ACSL5: variants seen among roughly 807,000 people sequenced by gnomAD.
The protein encoded by ACSL5 is acyl-CoA synthetase long chain family member 5.
In ACSL5, 50 loss-of-function variants were observed where a neutral mutation model predicts 84.9. The ratio of observed to expected loss-of-function variants is 0.59; its 90% CI spans 0.47 to 0.75. ACSL5 has a LOEUF of 0.75. ACSL5 is among the 30% of genes least tolerant of loss of function. ACSL5 has a pLI of 0.00. For missense variants in ACSL5, 775 were observed against 830.4 expected (o/e 0.93, Z 0.82); for synonymous variants, 280 against 300.7 (o/e 0.93, Z 0.71).
At chr10:112,403,165 A>T (rs775916511) in intron 3 of ACSL5, among the ~76,000 whole-genome samples, 16 of 152,280 alleles carry the variant, frequency 1.1e-4, no homozygotes, top group Non-Finnish European at 2.2e-4. Flanking sequence ...GGCAAAGTAC[A>T]TGAACAAACA....
intron 10 of ACSL5, 128 bp from the exon 11 acceptor site, chr10:112,411,774 C>A (rs1844185119): frequency 3.3e-6 from 3 of 922,840 alleles, no homozygotes; most frequent in East Asian, 5.0e-5. Flanking sequence ...CATCTCAGAT[C>A]TACACAGTGT....
intron 2 of ACSL5, chr10:112,396,066 C>T (rs759292155): frequency 3.9e-5 from 6 of 152,232 alleles, no homozygotes; most frequent in Non-Finnish European, 8.8e-5. Flanking sequence ...TGAGATCTGA[C>T]CTTTTACCAC....
chr10:112,414,352 C>CTTTTTTTTT (rs34464188), intron 12 of ACSL5, among the ~76,000 whole-genome samples: 2 of 85,502 alleles, frequency 2.3e-5, no homozygotes, highest in African/African-American at 4.6e-5. Flanking sequence ...TTCAGTGATT[C>CTTTTTTTTT]TTTTTTTTTT....
chr10:112,412,009 G>A, intron 11 of ACSL5, 30 bp downstream of exon 11: 1 of 1,572,674 alleles, frequency 6.4e-7, no homozygotes, highest in Non-Finnish European at 8.8e-7. Flanking sequence ...AGCAGTATGT[G>A]GCAAGGGGGT....
rs561246236 is a variant in ACSL5, at chr10:112,427,326, A to G, written c.2020A>G (p.Ile674Val). 1.9e-6 allele frequency: 3 copies of G among 1,613,756 alleles called. No individual in the cohort carries two copies. The highest frequency in any genetic ancestry group is 2.2e-5 in the South Asian group (2 of 90,994). The change falls in exon 21 of 21, where the codon ATT becomes GTT. Residue 674 changes from isoleucine to valine, a missense_variant. Physicochemically the swap from Ile to Val is conservative, Grantham distance 29 (BLOSUM62 3). Coordinates refer to ENST00000354655, the MANE Select transcript of ACSL5 (RefSeq NM_203379.2). ...GCTTTCCAAATACTTTCGGACCCAA[A>G]TTGACAGCCTGTATGAGCACATCCA... ...GELSKYFRTQ[I>V]DSLYEHIQD is the part of the protein sequence containing the mutation.
Position 112,399,011 on chromosome 10 carries a change from T to C in ACSL5, c.265+2T>C. ...TCCAAAGAGGACTCGCTGTGTCTGG[T>C]AAGCCTGGTGGTCTGTCCTTGCCTG... On this transcript the variant is annotated splice_donor_variant, in intron 3 of 20. Coordinates refer to ENST00000354655, the MANE Select transcript of ACSL5 (RefSeq NM_203379.2). LOFTEE classifies it high-confidence loss of function. The C allele has an allele frequency of 6.2e-7, 1 of 1,612,242 alleles. No individual in the cohort carries two copies. Among genetic ancestry groups the C allele is most frequent in the East Asian group, 2.2e-5 (1 of 44,868 alleles).
At chr10:112,375,086 G>A (rs1379474945) in intron 1 of ACSL5, 3 of 151,968 alleles carry the variant, frequency 2.0e-5, no homozygotes, top group Non-Finnish European at 4.4e-5. Context: ...ATCTTCCCCT[G>A]GCCCTGAGCC....
At position 112,426,335 on chromosome 10, in the gene ACSL5, C is replaced by T. The variant is rs201398022; in HGVS notation, c.1815C>T (p.Ser605=). 7 of 1,614,020 alleles carry T rather than the reference C, an allele frequency of 4.3e-6. No homozygotes were observed. Among genetic ancestry groups the T allele is most frequent in the Non-Finnish European group, 5.9e-6 (7 of 1,179,998 alleles). ...CAGCCAAGCTTGGGGTGAAGGGCTC[C>T]TTTGAGGAACTGTGCCAAAACCAAG... The part of the protein sequence containing the change: ...SFAAKLGVKG[S]FEELCQNQVV... The change falls in exon 19 of 21, where the codon TCC becomes TCT. Residue 605 remains serine, a synonymous_variant. Coordinates refer to ENST00000354655, the MANE Select transcript of ACSL5 (RefSeq NM_203379.2).
chr10:112,401,828 C>CTT (rs1395689106), intron 3 of ACSL5, among the ~76,000 whole-genome samples: 34 of 108,738 alleles, frequency 3.1e-4, no homozygotes, highest in Non-Finnish European at 5.6e-4. Flanking sequence ...TTCTTTCTTT[C>CTT]TTTCTTTCTT....
At chr10:112,400,406 C>CT (rs573644087) in intron 3 of ACSL5, among the ~76,000 whole-genome samples, 28,708 of 98,704 alleles carry the variant, frequency 0.29, 4,818 homozygotes, top group East Asian at 0.49. Context: ...TTTTTCTTTT[C>CT]TTTTTTTTTT....
intron 3 of ACSL5, among the ~76,000 whole-genome samples, chr10:112,401,945 C>A (rs923607212): frequency 4.6e-5 from 5 of 108,146 alleles, no homozygotes; most frequent in Middle Eastern, 0.01. Flanking sequence ...CCTTCTCTTT[C>A]TTTCTCTCTC....
chr10:112,421,818 A>G lies in ACSL5; in HGVS notation c.1388-129A>G, dbSNP rs867441286. The G allele has an allele frequency of 3.1e-6, 4 of 1,279,010 alleles. No individual in the cohort carries two copies. The Middle Eastern group carries it at 5.6e-4, about 179-fold the overall frequency. 79.2% of individuals were successfully genotyped at this position (1,279,010 alleles called of 1,614,324 possible). A position where few individuals can be genotyped will look rare whatever the true frequency, so the allele number is the denominator to read the frequency against. ...GGGTCCAGGCCTGCCTATCTTGGCT[A>G]GTCTGCATTGGTGCCAGGTGATTTT... On this transcript the variant is annotated intron_variant, in intron 15 of 20. Coordinates refer to ENST00000354655, the MANE Select transcript of ACSL5 (RefSeq NM_203379.2).
At chr10:112,389,784 C>T (rs1223801544) in intron 1 of ACSL5, among the ~76,000 whole-genome samples, 1 of 152,200 alleles carries the variant, frequency 6.6e-6, no homozygotes, top group Non-Finnish European at 1.5e-5. Flanking sequence ...GAGCTTCCTA[C>T]TCCTGTCGTG....
intron 1 of ACSL5, among the ~76,000 whole-genome samples, chr10:112,379,414 G>A (rs7906780): frequency 3.0e-3 from 428 of 141,550 alleles, no homozygotes; most frequent in Middle Eastern, 3.6e-3. Flanking sequence ...TCAAAAAAAA[G>A]AAAAAAAAAA....
In ACSL5 at chr10:112,394,892, T is replaced by C. The variant is rs369604598; in HGVS notation, c.-29-26T>C. ...AAAAATATGGCCATTTCCTCTAAATTTTCTTTCCCCTGTTTTTTTTTTAAG... is the reference window on the plus strand; with the variant it reads ...AAAAATATGGCCATTTCCTCTAAATCTTCTTTCCCCTGTTTTTTTTTTAAG... On this transcript the variant is annotated intron_variant, in intron 1 of 20. Coordinates refer to ENST00000354655, the MANE Select transcript of ACSL5 (RefSeq NM_203379.2). The C allele has an allele frequency of 1.1e-5, 18 of 1,607,830 alleles. No individual in the cohort carries two copies. The African/African-American group carries it at 2.1e-4, about 19-fold the overall frequency.
chr10:112,393,175 C>A (rs1041502730), intron 1 of ACSL5, among the ~76,000 whole-genome samples: 1 of 152,066 alleles, frequency 6.6e-6, no homozygotes, highest in Non-Finnish European at 1.5e-5. Context: ...TCCAAAAATC[C>A]CAACTCTCAG....
chr10:112,390,985 T>C (rs1849549200), intron 1 of ACSL5, among the ~76,000 whole-genome samples: 2 of 152,254 alleles, frequency 1.3e-5, no homozygotes, highest in East Asian at 3.8e-4. Flanking sequence ...TAAATAGATG[T>C]AATGGTTGCA....
chr10:112,398,444 G>T (rs1843795682), intron 2 of ACSL5, among the ~76,000 whole-genome samples: 1 of 149,798 alleles, frequency 6.7e-6, no homozygotes, highest in South Asian at 2.1e-4. Flanking sequence ...TCACTCCGTT[G>T]CCCAGGCTGG....
intron 13 of ACSL5, 31 bp downstream of exon 13, chr10:112,417,053 G>A (rs762439333): frequency 1.2e-5 from 20 of 1,603,194 alleles, no homozygotes; most frequent in African/African-American, 9.4e-5. Flanking sequence ...ACTGAAGCAG[G>A]CAAATACCTG....
Sources: allele counts gnomAD v4.1 joint callset (sites outside exome capture counted in the v4.1 genomes callset), GRCh38; gene constraint gnomAD v4.1.1; transcripts MANE v1.5; gene names NCBI Gene and HGNC (gene_info 2026-07-23, HGNC 2026-07-21).